Variants in PDGFRB observed in about 807,000 individuals in gnomAD.
PDGFRB encodes the protein platelet-derived growth factor receptor beta.
Under a neutral mutation model 120.2 loss-of-function variants are expected in PDGFRB, and 42 were observed. The observed-to-expected ratio is 0.35, with a 90% CI of 0.27 to 0.45. PDGFRB has a LOEUF of 0.45. Among genes scored for constraint, PDGFRB ranks in the 20% least tolerant of loss-of-function variants. The probability of loss-of-function intolerance (pLI) is 1.00; values close to 1 mark genes in which losing one functional copy is unlikely to be tolerated. For missense variants in PDGFRB, 1,149 were observed against 1,476.3 expected, an observed-to-expected ratio of 0.78 and a Z score of 3.63; for synonymous variants, 586 against 606.8, an observed-to-expected ratio of 0.97 and a Z score of 0.50.
chr5:150,139,661 C>G (rs1176291285), intron 1 of PDGFRB, among the ~76,000 whole-genome samples: 2 of 151,092 alleles, frequency 1.3e-5, no homozygotes, highest in Non-Finnish European at 2.9e-5. Flanking sequence ...CCTCTCTGGG[C>G]CTCAGTTTCC....
chr5:150,133,189 T>C (rs1482552704), intron 6 of PDGFRB, among the ~76,000 whole-genome samples: 1 of 152,190 alleles, frequency 6.6e-6, no homozygotes, highest in Non-Finnish European at 1.5e-5. Flanking sequence ...CTGTTCTGGG[T>C]CAGTACTGTG....
intron 1 of PDGFRB, among the ~76,000 whole-genome samples, chr5:150,140,710 C>T (rs1760761245): frequency 6.6e-6 from 1 of 151,160 alleles, no homozygotes; most frequent in African/African-American, 2.4e-5. Context: ...CTGGGAACTC[C>T]AAGTCAAAAG....
At chr5:150,117,257 C>T (rs1248127410) in intron 22 of PDGFRB, among the ~76,000 whole-genome samples, 3 of 152,114 alleles carry the variant, frequency 2.0e-5, no homozygotes, top group Non-Finnish European at 4.4e-5. Flanking sequence ...CCATGAGTAA[C>T]AGCTGGGGTG....
At chr5:150,148,117 A>G (rs1415426383) in intron 1 of PDGFRB, among the ~76,000 whole-genome samples, 1 of 152,192 alleles carries the variant, frequency 6.6e-6, no homozygotes, top group Admixed American at 6.5e-5. Context: ...CTCAGTGAGG[A>G]GTGTCTCATC....
rs764621654 is a variant in PDGFRB at position 150,123,086 on chromosome 5, C to T, written c.2139G>A (p.Ala713=). The T allele has an allele frequency of 2.1e-5, 34 of 1,613,874 alleles. 1 individual carries two copies. The South Asian group carries it at 2.3e-4, about 11-fold the overall frequency. The part of the protein sequence containing the change: ...HHSDKRRPPS[A]ELYSNALPVG... ...CGGGCAGAGCATTGCTGTAGAGCTC[C>T]GCGCTGGGCGGGCGGCGCTTGTCGG... Residue 713 remains alanine (A), a synonymous_variant, in exon 15 of 23, where the codon GCG becomes GCA. Transcript: ENST00000261799.
chr5:150,119,323 T>C, intron 20 of PDGFRB, 144 bp downstream of exon 20: 2 of 676,264 alleles, frequency 3.0e-6, no homozygotes, highest in East Asian at 2.5e-5. Context: ...CCTGATGCCA[T>C]CCTTTGAATG....
intron 1 of PDGFRB, among the ~76,000 whole-genome samples, chr5:150,149,405 C>T (rs752985081): frequency 6.6e-6 from 1 of 152,126 alleles, no homozygotes; most frequent in Non-Finnish European, 1.5e-5. Flanking sequence ...CAAACATAGG[C>T]CCTTCTAAGC....
intron 20 of PDGFRB, 147 bp from the exon 21 acceptor site, chr5:150,118,999 T>G (rs1220159238): frequency 1.6e-6 from 1 of 611,216 alleles, no homozygotes; most frequent in African/African-American, 1.9e-5. Flanking sequence ...TATCCAGAGG[T>G]CCTGTCTCTG....
chr5:150,155,707 G>A lies in PDGFRB; in HGVS notation c.-317C>T. 2.5e-6 allele frequency: 1 copy of A among 398,620 alleles called. No homozygotes were observed. The highest frequency in any genetic ancestry group is 3.6e-5 in the East Asian group (1 of 28,070). 24.7% of individuals were successfully genotyped at this position (398,620 alleles called of 1,614,324 possible). A position where few individuals can be genotyped will look rare whatever the true frequency, so the allele number is the denominator to read the frequency against. On this transcript the variant is annotated 5_prime_UTR_variant, in exon 1 of 23. Transcript: ENST00000261799. ...GGGTCTGGCTGTCTGCGTTGGGCAG[G>A]GCGAGCACAGGCTGCTGCTGGGCAG...
In PDGFRB at chr5:150,155,801, G is replaced by T. The variant is rs928447112; in HGVS notation, c.-411C>A. 1.5e-5 allele frequency: 6 copies of T among 397,710 alleles called. No homozygotes were observed. The highest frequency in any genetic ancestry group is 4.1e-5 in the African/African-American group (2 of 48,622). The allele number at this position is 397,710 out of a possible 1,614,324, so 24.6% of individuals were successfully genotyped here. A position where few individuals can be genotyped will look rare whatever the true frequency, so the allele number is the denominator to read the frequency against. On this transcript the variant is annotated 5_prime_UTR_variant, in exon 1 of 23. Coordinates refer to ENST00000261799, the MANE Select transcript of PDGFRB (RefSeq NM_002609.4). Reference sequence around the variant, plus strand: ...TCTCTGGCTCCAAGTTGCTCACAGAGCGATCCTGGGTCCCAGATAGGGCGG... The same window carrying T: ...TCTCTGGCTCCAAGTTGCTCACAGATCGATCCTGGGTCCCAGATAGGGCGG...
At chr5:150,155,319 T>TTTA (rs1199966677) in intron 1 of PDGFRB, 78 bp downstream of exon 1, 1 of 277,862 alleles carries the variant, frequency 3.6e-6, no homozygotes, top group Non-Finnish European at 6.7e-6. Context: ...TTTTTTTTTT[T>TTTA]TACCTACTCG....
Position 150,118,852 on chromosome 5 carries a change from G to A in PDGFRB, c.2799C>T (p.Ile933=). 6.3e-7 allele frequency: 1 copy of A among 1,598,912 alleles called. No individual in the cohort carries two copies. The highest frequency in any genetic ancestry group is 8.6e-7 in the Non-Finnish European group (1 of 1,166,568). The change falls in exon 21 of 23, where the codon ATC becomes ATT. Residue 933 remains isoleucine (I), a splice_region_variant and synonymous_variant. Transcript: ENST00000261799. ...CCCAGCACTTCTGCATGATCTCATA[G>A]CTGGGGATAGGGAGAAGGGTCAGGG... The part of the protein sequence containing the change: ...MAQPAHASDE[I]YEIMQKCWEE...
At chr5:150,124,080 T>G in intron 14 of PDGFRB, 170 bp downstream of exon 14, 1 of 439,744 alleles carries the variant, frequency 2.3e-6, no homozygotes, top group Non-Finnish European at 4.1e-6. Context: ...TTTTGTGAGT[T>G]TCTAAACCCC....
At chr5:150,130,484 G>C in intron 9 of PDGFRB, 55 bp downstream of exon 9, 1 of 1,576,558 alleles carries the variant, frequency 6.3e-7, no homozygotes, top group Admixed American at 1.8e-5. Flanking sequence ...TAACCTTCAC[G>C]AGCTTTTTCT....
Position 150,120,217 on chromosome 5 carries a change from C to A in PDGFRB, c.2587-94G>T. Reference sequence around the variant, plus strand: ...GAGGAGGGTATCTGGCAGCTCCCACCCACAACCACTTCTCCGTCCCATTCC... The same window carrying A: ...GAGGAGGGTATCTGGCAGCTCCCACACACAACCACTTCTCCGTCCCATTCC... On this transcript the variant is annotated intron_variant, in intron 18 of 22. Coordinates refer to ENST00000261799, the MANE Select transcript of PDGFRB (RefSeq NM_002609.4). This position sits in a 1 kb window ranked among gnomAD's most constrained non-coding sequence, Gnocchi z 4.3. The A allele has an allele frequency of 1.4e-6, 1 of 711,968 alleles. No homozygotes were observed. The allele number at this position is 711,968 out of a possible 1,614,324, so 44.1% of individuals were successfully genotyped here.
intron 8 of PDGFRB, among the ~76,000 whole-genome samples, chr5:150,131,134 G>A (rs1301223304): frequency 6.6e-6 from 1 of 152,160 alleles, no homozygotes; most frequent in Non-Finnish European, 1.5e-5. Flanking sequence ...TCATTATCAT[G>A]TCATTTCTCT....
intron 2 of PDGFRB, among the ~76,000 whole-genome samples, chr5:150,136,401 TGTGTC>T (rs1454677879): frequency 1.3e-5 from 2 of 151,816 alleles, no homozygotes; most frequent in African/African-American, 2.4e-5. Context: ...GGGGTGTGTG[TGTGTC>T]AAGTGATTGG....
At chr5:150,128,975 G>A (rs538715027) in intron 10 of PDGFRB, among the ~76,000 whole-genome samples, 37 of 152,270 alleles carry the variant, frequency 2.4e-4, no homozygotes, top group South Asian at 2.1e-4. Flanking sequence ...GCATAAGGAC[G>A]GGCAGCTAGA....
At chr5:150,154,967 G>C (rs560772716) in intron 1 of PDGFRB, among the ~76,000 whole-genome samples, 1 of 152,364 alleles carries the variant, frequency 6.6e-6, no homozygotes, top group South Asian at 2.1e-4. Flanking sequence ...CTGATTCTTA[G>C]AAACAAGGCT....
Sources: gnomAD v4.1 joint callset for allele counts (sites outside exome capture counted in the v4.1 genomes callset) on GRCh38, gnomAD v4.1.1 for gene constraint, Gnocchi (gnomAD v3.1) non-coding constraint, MANE v1.5 for transcripts, NCBI Gene and HGNC (gene_info 2026-07-23, HGNC 2026-07-21) for gene names.